Variants in SERGEF observed in about 807,000 individuals in gnomAD.
SERGEF encodes secretion regulating guanine nucleotide exchange factor.
In SERGEF, 51 loss-of-function variants were observed where a neutral mutation model predicts 50.0. That is an observed-to-expected ratio of 1.02 (90% CI 0.81 to 1.29). The LOEUF (loss-of-function observed/expected upper bound fraction) is 1.29. Among genes scored for constraint, SERGEF ranks in the 50% most tolerant of loss-of-function variants. The pLI, the probability that SERGEF is intolerant of heterozygous loss-of-function variation, is 0.00. For synonymous variants in SERGEF, 205 were observed against 212.4 expected (o/e 0.97, Z 0.30); for missense variants, 521 against 557.0 (o/e 0.94, Z 0.65).
At chr11:17,903,603 A>G (rs1851786174) in intron 9 of SERGEF, among the ~76,000 whole-genome samples, 1 of 152,242 alleles carries the variant, frequency 6.6e-6, no homozygotes, top group Non-Finnish European at 1.5e-5. Flanking sequence ...GGAAGCTGAC[A>G]TTGTAGAGGC....
chr11:17,948,576 C>T (rs190107811), intron 9 of SERGEF, among the ~76,000 whole-genome samples: 46 of 152,262 alleles, frequency 3.0e-4, no homozygotes, highest in Non-Finnish European at 6.0e-4. Flanking sequence ...CTTTTTGAAG[C>T]GAGGGACTTT....
At chr11:17,966,747 T>A (rs868690428) in intron 8 of SERGEF, among the ~76,000 whole-genome samples, 2 of 152,316 alleles carry the variant, frequency 1.3e-5, no homozygotes, top group Middle Eastern at 3.4e-3. Context: ...GGAATTTTTT[T>A]AAGTTAATAC....
At chr11:18,000,783 T>A in intron 4 of SERGEF, 1 of 667,718 alleles carries the variant, frequency 1.5e-6, no homozygotes, top group African/African-American at 1.8e-5. Context: ...ACAACAACTC[T>A]CAGGGCTGGG....
chr11:17,924,156 A>C (rs1444263847), intron 9 of SERGEF, among the ~76,000 whole-genome samples: 1 of 152,228 alleles, frequency 6.6e-6, no homozygotes, highest in Non-Finnish European at 1.5e-5. Context: ...TGGGGCAATG[A>C]ATTTGAGGTA....
At chr11:17,993,839 G>A (rs774133401) in intron 6 of SERGEF, among the ~76,000 whole-genome samples, 1 of 152,046 alleles carries the variant, frequency 6.6e-6, no homozygotes, top group Non-Finnish European at 1.5e-5. Context: ...AGAACTTTTG[G>A]CAATGAGGTG....
At chr11:17,827,574 T>C (rs7124199) in intron 10 of SERGEF, among the ~76,000 whole-genome samples, 75,706 of 152,010 alleles carry the variant, frequency 0.5, 19,401 homozygotes, top group East Asian at 0.85. Context: ...TGCAGCACAA[T>C]CTCCTACTTG....
At chr11:17,848,564 A>T (rs1490271632) in intron 10 of SERGEF, among the ~76,000 whole-genome samples, 2 of 152,178 alleles carry the variant, frequency 1.3e-5, no homozygotes, top group Non-Finnish European at 2.9e-5. Context: ...TATTTTTCAT[A>T]TGTGCCTTTT....
At position 17,928,828 on chromosome 11, in the gene SERGEF, G is replaced by T. The variant is rs533831846; in HGVS notation, c.1011+30642C>A. Among the ~76,000 whole-genome samples the T allele has an allele frequency of 9.2e-5, 14 of 152,108 alleles. No individual in the cohort carries two copies. In the East Asian group the frequency reaches 2.7e-3, roughly 29 times the overall value. ...GCTTGGCATTTTTTTCTGGACCAAG[G>T]TATGCTAACAAACAGGCTATTCTAA... On this transcript the variant is annotated intron_variant, in intron 9 of 10. Transcript: ENST00000265965.
intron 8 of SERGEF, among the ~76,000 whole-genome samples, chr11:17,973,736 G>A (rs551100902): frequency 6.6e-6 from 1 of 152,246 alleles, no homozygotes; most frequent in South Asian, 2.1e-4. Flanking sequence ...ACTCAAAGAT[G>A]GGAAAACATT....
intron 10 of SERGEF, among the ~76,000 whole-genome samples, chr11:17,813,351 A>G (rs1240998854): frequency 6.6e-6 from 1 of 152,214 alleles, no homozygotes; most frequent in African/African-American, 2.4e-5. Context: ...TGACTTGCTC[A>G]TGATCATGTG....
At chr11:17,794,669 G>A (rs1302782163) in intron 10 of SERGEF, among the ~76,000 whole-genome samples, 2 of 152,176 alleles carry the variant, frequency 1.3e-5, no homozygotes, top group Non-Finnish European at 2.9e-5. Context: ...CTTGTGAAGT[G>A]CAATCTAATA....
chr11:17,917,413 G>C (rs1278096090), intron 9 of SERGEF, among the ~76,000 whole-genome samples: 4 of 151,600 alleles, frequency 2.6e-5, no homozygotes, highest in African/African-American at 7.3e-5. Context: ...CAATGACTCA[G>C]GGGGGAAGGG....
Position 17,832,403 on chromosome 11 carries a change from A to G in SERGEF, c.1049-43990T>C, listed in dbSNP as rs1157311937. 4.6e-5 allele frequency among the ~76,000 whole-genome samples: 7 copies of G among 152,318 alleles called. No individual in the cohort carries two copies. In the South Asian group the frequency reaches 8.3e-4, roughly 18 times the overall value. On this transcript the variant is annotated intron_variant, in intron 10 of 10. Transcript: ENST00000265965. ...TTGTGAGGCCTCCCCAGCCACGTGG[A>G]ACTGTAAGTCCAATTTAACCTCTTT...
intron 9 of SERGEF, among the ~76,000 whole-genome samples, chr11:17,923,539 C>T (rs188266027): frequency 8.5e-5 from 13 of 152,298 alleles, no homozygotes; most frequent in East Asian, 1.9e-4. Context: ...ATTCCTCACA[C>T]GCTTGCTGCA....
At chr11:17,886,028 A>C (rs1005717757) in intron 9 of SERGEF, among the ~76,000 whole-genome samples, 1 of 152,142 alleles carries the variant, frequency 6.6e-6, no homozygotes, top group Non-Finnish European at 1.5e-5. Context: ...AGTTCTGGAT[A>C]TGGAACCAGA....
chr11:17,978,152 C>A (rs112392202), intron 8 of SERGEF, among the ~76,000 whole-genome samples: 2 of 152,118 alleles, frequency 1.3e-5, no homozygotes, highest in Admixed American at 1.3e-4. Flanking sequence ...GGGAAATGAA[C>A]CCTACCTTAA....
intron 5 of SERGEF, 24 bp from the exon 6 acceptor site, chr11:17,995,933 A>G: frequency 1.3e-6 from 2 of 1,530,962 alleles, no homozygotes; most frequent in Non-Finnish European, 1.8e-6. Context: ...TGGAAGAGAA[A>G]GCAGAGAAGA....
intron 9 of SERGEF, among the ~76,000 whole-genome samples, chr11:17,909,945 T>A (rs1232033138): frequency 3.9e-5 from 6 of 152,172 alleles, no homozygotes; most frequent in Non-Finnish European, 8.8e-5. Context: ...CTAGACTAAG[T>A]GAGCCAGATG....
intron 9 of SERGEF, among the ~76,000 whole-genome samples, chr11:17,903,786 C>T (rs947368525): frequency 6.6e-6 from 1 of 152,214 alleles, no homozygotes; most frequent in Non-Finnish European, 1.5e-5. Flanking sequence ...GGAAGAGGCA[C>T]ACTGAAGCTG....
Sources: allele counts gnomAD v4.1 joint callset (sites outside exome capture counted in the v4.1 genomes callset), GRCh38; gene constraint gnomAD v4.1.1; transcripts MANE v1.5; gene names NCBI Gene and HGNC (gene_info 2026-07-23, HGNC 2026-07-21).